XYLT1: variants seen among roughly 807,000 people sequenced by gnomAD.
The protein encoded by XYLT1 is xylosyltransferase 1, also known as beta-D-xylosyltransferase 1.
Under a neutral mutation model 91.3 loss-of-function variants are expected in XYLT1, and 36 were observed. That is an observed-to-expected ratio of 0.39 (90% CI 0.30 to 0.52). The LOEUF (loss-of-function observed/expected upper bound fraction) is 0.52, where lower values mean the gene tolerates loss of function less well. Ranked by LOEUF, XYLT1 falls within the 20% of genes least tolerant of loss-of-function variation. The pLI, the probability that XYLT1 is intolerant of heterozygous loss-of-function variation, is 0.68. For synonymous variants in XYLT1, 588 were observed against 532.0 expected, an observed-to-expected ratio of 1.11 and a Z score of -1.45; for missense variants, 1,242 against 1,284.5, an observed-to-expected ratio of 0.97 and a Z score of 0.51.
At chr16:17,274,728 A>G (rs1206958219) in intron 2 of XYLT1, among the ~76,000 whole-genome samples, 8 of 152,164 alleles carry the variant, frequency 5.3e-5, no homozygotes, top group Non-Finnish European at 1.2e-4. Context: ...CAGACAAAGG[A>G]AAAAAGGGCT....
chr16:17,312,194 G>A lies in XYLT1; in HGVS notation c.402+45818C>T, dbSNP rs114763449. ...ACTGCCCAAGCCAAATGAAGCAGGC[G>A]TGAAGCCAGGCACGCCCAGGGGGTG... On this transcript the variant is annotated intron_variant, in intron 2 of 11. Coordinates refer to ENST00000261381, the MANE Select transcript of XYLT1 (RefSeq NM_022166.4). The surrounding 1 kb of genome is among the most constrained non-coding windows in gnomAD (Gnocchi z 4.4). Among the ~76,000 whole-genome samples, 138 of 152,320 alleles carry A rather than the reference G, an allele frequency of 9.1e-4. No individual in the cohort carries two copies. The highest frequency in any genetic ancestry group is 3.1e-3 in the African/African-American group (128 of 41,584).
chr16:17,358,075 A>G, intron 1 of XYLT1, 25 bp from the exon 2 acceptor site: 1 of 1,606,750 alleles, frequency 6.2e-7, no homozygotes, highest in South Asian at 1.1e-5. Flanking sequence ...GAGAAAATGC[A>G]CGTGAGGAGT....
At chr16:17,380,774 G>A (rs2035670190) in intron 1 of XYLT1, among the ~76,000 whole-genome samples, 1 of 152,030 alleles carries the variant, frequency 6.6e-6, no homozygotes, top group Non-Finnish European at 1.5e-5. Context: ...GATCTGCGTG[G>A]ATAAACCAAA....
At chr16:17,215,315 G>A (rs1271334738) in intron 3 of XYLT1, among the ~76,000 whole-genome samples, 1 of 152,164 alleles carries the variant, frequency 6.6e-6, no homozygotes, top group Non-Finnish European at 1.5e-5. Flanking sequence ...ACTCCAGCAC[G>A]GGTGGCAAAA....
chr16:17,191,283 C>T (rs2032304357), intron 5 of XYLT1, among the ~76,000 whole-genome samples: 1 of 152,214 alleles, frequency 6.6e-6, no homozygotes, highest in Non-Finnish European at 1.5e-5. Flanking sequence ...GTCTTAACTA[C>T]AGGAATTCTT....
intron 1 of XYLT1, among the ~76,000 whole-genome samples, chr16:17,386,393 T>C (rs2035748129): frequency 6.6e-6 from 1 of 152,184 alleles, no homozygotes; most frequent in Non-Finnish European, 1.5e-5. Context: ...GGGGAGGTTA[T>C]TCACATTCCC....
chr16:17,127,968 C>G, intron 9 of XYLT1, 107 bp from the exon 10 acceptor site: 1 of 996,010 alleles, frequency 1.0e-6, no homozygotes, highest in South Asian at 1.7e-5. Context: ...CCATTGTGCA[C>G]AATGCCTACT....
intron 3 of XYLT1, among the ~76,000 whole-genome samples, chr16:17,233,212 C>G (rs781195662): frequency 6.6e-6 from 1 of 152,194 alleles, no homozygotes; most frequent in Admixed American, 6.5e-5. Flanking sequence ...CATCCCCTGC[C>G]GGCTTCAAGG....
intron 1 of XYLT1, among the ~76,000 whole-genome samples, chr16:17,395,493 C>G (rs1223852092): frequency 6.6e-6 from 1 of 152,164 alleles, no homozygotes; most frequent in Non-Finnish European, 1.5e-5. Context: ...CTGGGCAGCA[C>G]AGCGAAACCT....
intron 3 of XYLT1, 41 bp from the exon 4 acceptor site, chr16:17,200,695 T>C: frequency 6.3e-7 from 1 of 1,595,524 alleles, no homozygotes; most frequent in South Asian, 1.1e-5. Context: ...AAAGTGAGGC[T>C]CTGCCATCCT....
At chr16:17,146,241 A>G (rs1051574165) in intron 6 of XYLT1, among the ~76,000 whole-genome samples, 1 of 151,748 alleles carries the variant, frequency 6.6e-6, no homozygotes, top group South Asian at 2.1e-4. Context: ...ACTATGGAAG[A>G]TAATGACATA....
In XYLT1 at chr16:17,103,802, G is replaced by T. The variant is rs907143019; in HGVS notation, c.*4893C>A. 1 of 152,168 alleles carries T rather than the reference G, an allele frequency of 6.6e-6. No individual in the cohort carries two copies. The highest frequency in any genetic ancestry group is 1.5e-5 in the Non-Finnish European group (1 of 68,088). The allele number at this position is 152,168 out of a possible 1,614,324, so 9.4% of individuals were successfully genotyped here. On this transcript the variant is annotated 3_prime_UTR_variant, in exon 12 of 12. Transcript: ENST00000261381. ...GTCACTTTCTCCCTGCATACGCCTG[G>T]TAAGACCAGAGCCAAAGACAACGTG...
At chr16:17,338,871 T>A (rs914540208) in intron 2 of XYLT1, among the ~76,000 whole-genome samples, 5 of 152,180 alleles carry the variant, frequency 3.3e-5, no homozygotes, top group African/African-American at 4.8e-5. Flanking sequence ...CATTCACCCG[T>A]TAAGGTCATG....
At chr16:17,409,517 A>ACCCAAGTTGG (rs2036079647) in intron 1 of XYLT1, among the ~76,000 whole-genome samples, 1 of 144,868 alleles carries the variant, frequency 6.9e-6, no homozygotes, top group South Asian at 2.2e-4. Flanking sequence ...CATTAACATT[A>ACCCAAGTTGG]CCCAAGTTGG....
At position 17,341,885 on chromosome 16, in the gene XYLT1, C is replaced by T. The variant is rs79365486; in HGVS notation, c.402+16127G>A. On this transcript the variant is annotated intron_variant, in intron 2 of 11. Transcript: ENST00000261381. Reference sequence around the variant, plus strand: ...TATAAACTACTTCTTTTGGCTTTCACTATTAACACTCTGGTCCAAACCACC... The same window carrying T: ...TATAAACTACTTCTTTTGGCTTTCATTATTAACACTCTGGTCCAAACCACC... Among the ~76,000 whole-genome samples, 78 of 152,272 alleles carry T rather than the reference C, an allele frequency of 5.1e-4. No homozygotes were observed. In the East Asian group the frequency reaches 0.014, roughly 27 times the overall value.
At chr16:17,376,288 C>T (rs1484409937) in intron 1 of XYLT1, among the ~76,000 whole-genome samples, 2 of 152,182 alleles carry the variant, frequency 1.3e-5, no homozygotes, top group Non-Finnish European at 2.9e-5. Flanking sequence ...ATGCACAGGT[C>T]AGCTGATCCT....
intron 1 of XYLT1, among the ~76,000 whole-genome samples, chr16:17,408,295 T>C (rs553465789): frequency 1.3e-5 from 2 of 152,336 alleles, no homozygotes; most frequent in African/African-American, 4.8e-5. Flanking sequence ...TAAGCAATCA[T>C]TGAGTGTGAA....
At chr16:17,358,165 T>C in intron 1 of XYLT1, 115 bp from the exon 2 acceptor site, 1 of 1,092,562 alleles carries the variant, frequency 9.2e-7, no homozygotes, top group Non-Finnish European at 1.3e-6. Flanking sequence ...GGTCTCGCTT[T>C]GTTGCCCAGG....
At chr16:17,332,560 A>C (rs2141839485) in intron 2 of XYLT1, among the ~76,000 whole-genome samples, 1 of 88,810 alleles carries the variant, frequency 1.1e-5, no homozygotes, top group East Asian at 3.4e-4. Flanking sequence ...AGAGTCCATC[A>C]CACACATACA....
Sources: gnomAD v4.1 joint callset for allele counts (sites outside exome capture counted in the v4.1 genomes callset) on GRCh38, gnomAD v4.1.1 for gene constraint, Gnocchi (gnomAD v3.1) non-coding constraint, MANE v1.5 for transcripts, NCBI Gene and HGNC (gene_info 2026-07-23, HGNC 2026-07-21) for gene names.